The following CPD variants were observed in gnomAD, a reference collection of about 807,000 sequenced individuals.
CPD encodes carboxypeptidase D.
A neutral mutation model predicts 138.3 loss-of-function variants in CPD; 69 were observed. The ratio of observed to expected loss-of-function variants is 0.50; its 90% CI spans 0.41 to 0.61. The LOEUF is 0.61. Among genes scored for constraint, CPD ranks in the 20% least tolerant of loss-of-function variants. The pLI is 0.00. For missense variants in CPD, 1,432 were observed against 1,733.3 expected (o/e 0.83, Z 3.09); for synonymous variants, 651 against 642.1 (o/e 1.01, Z -0.21).
intron 2 of CPD, 74 bp from the exon 3 acceptor site, chr17:30,420,767 T>C: frequency 7.3e-7 from 1 of 1,368,266 alleles, no homozygotes; most frequent in East Asian, 2.4e-5. Context: ...AGATGGCTGA[T>C]TTAATTTCTT....
rs1376277552 is a variant in CPD at position 30,422,903 on chromosome 17, T to C, written c.1537T>C (p.Leu513=). 1 of 1,614,134 alleles carries C rather than the reference T, an allele frequency of 6.2e-7. No homozygotes were observed. Residue 513 remains leucine (L), a synonymous_variant, in exon 5 of 21, where the codon TTG becomes CTG. Coordinates refer to ENST00000225719, the MANE Select transcript of CPD (RefSeq NM_001304.5). ...HHHFPDMEIF[L]RRFANEYPNI... The stretch of plus-strand genomic sequence containing the variant: ...CCATTTCCCTGATATGGAAATCTTC[T>C]TGAGAAGGTTTGCCAATGAATATCC...
intron 12 of CPD, among the ~76,000 whole-genome samples, chr17:30,448,927 G>A (rs922134185): frequency 1.3e-5 from 2 of 152,022 alleles, no homozygotes; most frequent in Admixed American, 1.3e-4. Flanking sequence ...AATATAGCAA[G>A]ACCCTGTCTC....
intron 7 of CPD, among the ~76,000 whole-genome samples, chr17:30,430,768 C>T (rs1198575370): frequency 6.6e-6 from 1 of 152,152 alleles, no homozygotes; most frequent in African/African-American, 2.4e-5. Flanking sequence ...GTCCTCCCAC[C>T]TCAGCCTCCC....
chr17:30,420,983 G>A lies in CPD; in HGVS notation c.1137G>A (p.Lys379=). The A allele has an allele frequency of 1.2e-6, 2 of 1,611,934 alleles. No homozygotes were observed. The highest frequency in any genetic ancestry group is 1.7e-6 in the Non-Finnish European group (2 of 1,178,854). The part of the protein sequence containing the change: ...NRESLITLIE[K]VHIGVKGFVK... ...AGTCTTTGATCACATTGATTGAAAA[G>A]GTAAAAGTAGATGACTGGAATGTTG... The change falls in exon 3 of 21, where the codon AAG becomes AAA. Residue 379 remains lysine, a splice_region_variant and synonymous_variant. Transcript: ENST00000225719.
At position 30,460,403 on chromosome 17, in the gene CPD, G is replaced by A. The variant is rs145261056; in HGVS notation, c.3499-777G>A. The stretch of plus-strand genomic sequence containing the variant: ...TCTAAATAATCAGTTAAGATAGTTT[G>A]GAGGAAGGAGAGACTGGTACAGGGA... On this transcript the variant is annotated intron_variant, in intron 17 of 20. Transcript: ENST00000225719. Among the ~76,000 whole-genome samples, 379 of 152,324 alleles carry A rather than the reference G, an allele frequency of 2.5e-3. 1 individual carries two copies. Among genetic ancestry groups the A allele is most frequent in the African/African-American group, 8.7e-3 (362 of 41,558 alleles).
At position 30,435,763 on chromosome 17, in the gene CPD, C is replaced by T. The variant is rs565857448; in HGVS notation, c.2128-3212C>T. Among the ~76,000 whole-genome samples the T allele has an allele frequency of 3.9e-5, 6 of 152,292 alleles. No homozygotes were observed. The East Asian group carries it at 1.2e-3, about 29-fold the overall frequency. Reference sequence around the variant, plus strand: ...CTAAGACAACAGGAATTTATTGTCTCATAGTTTTGGAGGCCAGAAGTCCAA... The same window carrying T: ...CTAAGACAACAGGAATTTATTGTCTTATAGTTTTGGAGGCCAGAAGTCCAA... On this transcript the variant is annotated intron_variant, in intron 8 of 20. Coordinates refer to ENST00000225719, the MANE Select transcript of CPD (RefSeq NM_001304.5).
At chr17:30,456,801 C>T (rs994462560) in intron 17 of CPD, 41 of 251,556 alleles carry the variant, frequency 1.6e-4, no homozygotes, top group African/African-American at 8.0e-4. Context: ...GAGCCGAGAT[C>T]GCACTACTGC....
Position 30,466,001 on chromosome 17 carries a change from G to A in CPD, c.*1187G>A, listed in dbSNP as rs1913626609. ...TAAAAGTTCAGTCGAAAGCTTTTAA[G>A]TATAGCTTCCTCCCTTGAAAAAAAA... is the stretch of plus-strand genomic sequence containing the variant. On this transcript the variant is annotated 3_prime_UTR_variant, in exon 21 of 21. Coordinates refer to ENST00000225719, the MANE Select transcript of CPD (RefSeq NM_001304.5). 6.6e-6 allele frequency: 1 copy of A among 152,220 alleles called. No individual in the cohort carries two copies. The highest frequency in any genetic ancestry group is 2.1e-4 in the South Asian group (1 of 4,824). 9.4% of individuals were successfully genotyped at this position (152,220 alleles called of 1,614,324 possible). A position where few individuals can be genotyped will look rare whatever the true frequency, so the allele number is the denominator to read the frequency against.
At chr17:30,447,263 T>C (rs1004324564) in intron 12 of CPD, among the ~76,000 whole-genome samples, 7 of 152,208 alleles carry the variant, frequency 4.6e-5, no homozygotes, top group Non-Finnish European at 7.3e-5. Context: ...GCCTATGTCC[T>C]GAATGGTATT....
intron 2 of CPD, among the ~76,000 whole-genome samples, chr17:30,417,489 C>A (rs1409790932): frequency 6.6e-6 from 1 of 152,166 alleles, no homozygotes; most frequent in African/African-American, 2.4e-5. Flanking sequence ...ATTCAACATG[C>A]CCCTTTCTGC....
chr17:30,385,083 A>G lies in CPD; in HGVS notation c.841A>G (p.Lys281Glu). The G allele has an allele frequency of 6.2e-7, 1 of 1,614,132 alleles. No homozygotes were observed. Reference sequence around the variant, plus strand: ...ACATAAGGCCACTGGAATCTATAGCAAAACCTCAGATGATGAAGTATTTAA... The same window carrying G: ...ACATAAGGCCACTGGAATCTATAGCGAAACCTCAGATGATGAAGTATTTAA... ...PEHKATGIYSKTSDDEVFKYL... is the reference protein window; with the variant it reads ...PEHKATGIYSETSDDEVFKYL... Residue 281 changes from lysine to glutamate, a missense_variant, in exon 2 of 21, where the codon AAA becomes GAA. Physicochemically the swap from Lys to Glu is moderately conservative, Grantham distance 56 (BLOSUM62 1). This residue lies in a region of CPD where 484 missense variants were observed against 477.2 expected (regional missense o/e 1.01). Coordinates refer to ENST00000225719, the MANE Select transcript of CPD (RefSeq NM_001304.5).
rs1913639791 is a variant in CPD, at chr17:30,466,421, T to G, written c.*1607T>G. The G allele has an allele frequency of 1.3e-5, 2 of 152,634 alleles. No individual in the cohort carries two copies. The highest frequency in any genetic ancestry group is 4.1e-4 in the South Asian group (2 of 4,828). The allele number at this position is 152,634 out of a possible 1,614,324, so 9.5% of individuals were successfully genotyped here. ...AAAAGAAGATTTTCTTTAGCAAGAA[T>G]AATGAGGTCATGTCATTTGTTAATA... On this transcript the variant is annotated 3_prime_UTR_variant, in exon 21 of 21. Transcript: ENST00000225719.
chr17:30,434,503 G>T (rs925629407), intron 8 of CPD, among the ~76,000 whole-genome samples: 1 of 152,098 alleles, frequency 6.6e-6, no homozygotes, highest in African/African-American at 2.4e-5. Flanking sequence ...GAGTAACTGG[G>T]CAGATTAGAG....
chr17:30,464,730 C>G lies in CPD; in HGVS notation c.4059C>G (p.Thr1353=), dbSNP rs200857905. 8.6e-5 allele frequency: 138 copies of G among 1,613,802 alleles called. No individual in the cohort carries two copies. Among genetic ancestry groups the G allele is most frequent in the Non-Finnish European group, 1.1e-4 (132 of 1,179,910 alleles). ...AAGATGAAATTCGCATGATGTCTAC[C>G]GGCTCCAAGAAGTCCCTCCTAAGCC... ...EYEDEIRMMS[T]GSKKSLLSHE... The change falls in exon 21 of 21, where the codon ACC becomes ACG. Residue 1353 remains threonine, a synonymous_variant. Transcript: ENST00000225719.
intron 2 of CPD, among the ~76,000 whole-genome samples, chr17:30,411,567 T>A (rs1911969486): frequency 6.6e-6 from 1 of 152,202 alleles, no homozygotes; most frequent in Non-Finnish European, 1.5e-5. Flanking sequence ...CTTTTTACTC[T>A]TTTTTCTCTA....
chr17:30,455,558 TAGTG>T lies in CPD; in HGVS notation c.3337+91_3337+94del, dbSNP rs1913270915. On this transcript the variant is annotated intron_variant, in intron 15 of 20. Transcript: ENST00000225719. Reference sequence around the variant, plus strand: ...AATGTCCCTTCCACATTTTTATAAATAGTGAGCATTTGAGCACACTCTATGAGCA... The same window carrying T: ...AATGTCCCTTCCACATTTTTATAAATAGCATTTGAGCACACTCTATGAGCA... The T allele has an allele frequency of 2.1e-6, 3 of 1,451,512 alleles. No homozygotes were observed. The South Asian group carries it at 3.8e-5, about 18-fold the overall frequency. The allele number at this position is 1,451,512 out of a possible 1,614,324, so 89.9% of individuals were successfully genotyped here.
chr17:30,419,770 C>T (rs887178547), intron 2 of CPD, among the ~76,000 whole-genome samples: 1 of 152,146 alleles, frequency 6.6e-6, no homozygotes, highest in Non-Finnish European at 1.5e-5. Context: ...GAGTGAGTGG[C>T]AGAAGAATCT....
At chr17:30,421,069 C>T (rs1453145402) in intron 3 of CPD, 86 bp downstream of exon 3, 9 of 1,112,580 alleles carry the variant, frequency 8.1e-6, no homozygotes, top group Non-Finnish European at 1.2e-5. Context: ...ATAATCTATA[C>T]AGTATTAGAT....
At chr17:30,391,328 A>G (rs1225551799) in intron 2 of CPD, among the ~76,000 whole-genome samples, 1 of 152,138 alleles carries the variant, frequency 6.6e-6, no homozygotes, top group African/African-American at 2.4e-5. Context: ...GTAGTCGCAG[A>G]TACTTGGGAG....
Sources: gnomAD v4.1 joint callset for allele counts (sites outside exome capture counted in the v4.1 genomes callset) on GRCh38, gnomAD v4.1.1 for gene constraint, gnomAD v4.1.1 regional missense constraint, MANE v1.5 for transcripts, NCBI Gene and HGNC (gene_info 2026-07-23, HGNC 2026-07-21) for gene names.